The following WDR7 variants were observed in gnomAD, a reference collection of about 807,000 sequenced individuals.
WDR7 encodes WD repeat domain 7.
WDR7 carries 46 observed loss-of-function variants against 169.4 expected under a neutral mutation model. The ratio of observed to expected loss-of-function variants is 0.27; its 90% CI spans 0.21 to 0.35. The LOEUF (loss-of-function observed/expected upper bound fraction) is 0.35. Ranked by LOEUF, WDR7 falls within the 10% of genes least tolerant of loss-of-function variation. The pLI is 1.00. For missense variants in WDR7, 1,534 were observed against 1,859.3 expected (o/e 0.83, Z 3.22); for synonymous variants, 612 against 666.8 (o/e 0.92, Z 1.27).
intron 16 of WDR7, among the ~76,000 whole-genome samples, chr18:56,770,798 C>CT (rs1042504672): frequency 6.6e-5 from 10 of 150,998 alleles, no homozygotes; most frequent in South Asian, 2.1e-4. Flanking sequence ...TAAGGATATC[C>CT]TTTTTTTTTC....
intron 12 of WDR7, among the ~76,000 whole-genome samples, chr18:56,711,917 T>A (rs905509118): frequency 1.3e-5 from 2 of 152,094 alleles, no homozygotes; most frequent in African/African-American, 2.4e-5. Context: ...AATAGTGGGA[T>A]TGATTTATGA....
chr18:56,846,328 A>G (rs2045567774), intron 20 of WDR7, among the ~76,000 whole-genome samples: 1 of 152,104 alleles, frequency 6.6e-6, no homozygotes. Context: ...CAGAATTCCC[A>G]CATAATGTGG....
intron 21 of WDR7, among the ~76,000 whole-genome samples, chr18:56,917,567 G>A (rs74755870): frequency 0.02 from 3,084 of 152,204 alleles, 109 homozygotes; most frequent in African/African-American, 0.07. Flanking sequence ...ATGTGTGTGG[G>A]TGTGTGTTAT....
intron 20 of WDR7, among the ~76,000 whole-genome samples, chr18:56,856,279 A>C (rs1468541445): frequency 3.3e-5 from 5 of 152,224 alleles, no homozygotes; most frequent in Non-Finnish European, 5.9e-5. Context: ...CACGCCTGTA[A>C]TCCCAGCACT....
intron 16 of WDR7, among the ~76,000 whole-genome samples, chr18:56,762,356 A>G (rs1447249068): frequency 1.3e-5 from 2 of 151,946 alleles, no homozygotes; most frequent in Non-Finnish European, 2.9e-5. Context: ...AAGATTGGCA[A>G]CATTTCTTTC....
intron 26 of WDR7, among the ~76,000 whole-genome samples, chr18:57,005,574 AT>A (rs1364017526): frequency 6.6e-6 from 1 of 152,134 alleles, no homozygotes; most frequent in Admixed American, 6.5e-5. Flanking sequence ...GAGGGATGGG[AT>A]TTGATGAGTA....
At chr18:56,917,041 C>A (rs958776945) in intron 21 of WDR7, among the ~76,000 whole-genome samples, 2 of 152,046 alleles carry the variant, frequency 1.3e-5, no homozygotes, top group African/African-American at 2.4e-5. Context: ...ACTAAAGATA[C>A]AAAAAATTAG....
At chr18:56,851,949 C>T (rs114258103) in intron 20 of WDR7, among the ~76,000 whole-genome samples, 270 of 152,284 alleles carry the variant, frequency 1.8e-3, no homozygotes, top group African/African-American at 6.2e-3. Flanking sequence ...GTAGATAGTG[C>T]TGTTGAAAGG....
intron 27 of WDR7, among the ~76,000 whole-genome samples, chr18:57,026,005 A>C (rs922238266): frequency 2.0e-5 from 3 of 152,240 alleles, no homozygotes; most frequent in African/African-American, 7.2e-5. Context: ...TAGTACAAAG[A>C]AAAAGTGTTA....
intron 13 of WDR7, among the ~76,000 whole-genome samples, chr18:56,727,343 AT>A (rs148917459): frequency 0.03 from 4,552 of 150,578 alleles, 216 homozygotes; most frequent in African/African-American, 0.1. Context: ...TTGGGAATGG[AT>A]TTTTTTTTTC....
intron 26 of WDR7, among the ~76,000 whole-genome samples, chr18:56,978,602 A>T (rs2047599531): frequency 6.6e-6 from 1 of 152,182 alleles, no homozygotes; most frequent in Admixed American, 6.5e-5. Context: ...TATTTCCTTT[A>T]TCTGATGATG....
chr18:56,938,182 T>C (rs771034846), intron 23 of WDR7, among the ~76,000 whole-genome samples: 3 of 152,182 alleles, frequency 2.0e-5, no homozygotes, highest in Non-Finnish European at 4.4e-5. Context: ...CTATCATTAC[T>C]TGAGAGCAAG....
At chr18:56,773,845 T>G (rs2044201687) in intron 16 of WDR7, among the ~76,000 whole-genome samples, 1 of 152,106 alleles carries the variant, frequency 6.6e-6, no homozygotes, top group African/African-American at 2.4e-5. Context: ...ACGTGGTGGT[T>G]AATTCTACAA....
At chr18:56,730,178 ACT>A (rs1195467663) in intron 13 of WDR7, among the ~76,000 whole-genome samples, 2 of 151,988 alleles carry the variant, frequency 1.3e-5, no homozygotes, top group African/African-American at 4.8e-5. Context: ...AACATCTGAA[ACT>A]CTCTAGCTTT....
chr18:57,009,011 T>C (rs1181703106), intron 26 of WDR7, among the ~76,000 whole-genome samples: 1 of 145,832 alleles, frequency 6.9e-6, no homozygotes, highest in Non-Finnish European at 1.5e-5. Flanking sequence ...TTTAATCCAC[T>C]AAGTGAAAGT....
intron 20 of WDR7, among the ~76,000 whole-genome samples, chr18:56,817,530 CAG>C (rs760658591): frequency 7.2e-5 from 11 of 151,898 alleles, no homozygotes; most frequent in Non-Finnish European, 1.2e-4. Context: ...CTAATATTGC[CAG>C]AGTTGGGGAA....
chr18:56,896,133 AT>A (rs1242367283), intron 21 of WDR7, among the ~76,000 whole-genome samples: 8 of 151,850 alleles, frequency 5.3e-5, no homozygotes, highest in African/African-American at 1.9e-4. Flanking sequence ...CTAACAAAAA[AT>A]ATGTAAGACT....
Position 56,757,307 on chromosome 18 carries a change from C to T in WDR7, c.2714C>T (p.Thr905Ile). 1 of 1,613,242 alleles carries T rather than the reference C, an allele frequency of 6.2e-7. No individual in the cohort carries two copies. The highest frequency in any genetic ancestry group is 1.1e-5 in the South Asian group (1 of 91,056). The change falls in exon 15 of 28, where the codon ACC becomes ATC. Residue 905 changes from threonine to isoleucine, a missense_variant. Transcript: ENST00000254442. ...TTGGCAAATACTTTAATGAGTATGA[C>T]CAATGCAACTTTTATTGGTGATCAT... The part of the protein sequence containing the change: ...ISLANTLMSM[T>I]NATFIGDHMK...
At chr18:57,005,588 T>C (rs72930613) in intron 26 of WDR7, among the ~76,000 whole-genome samples, 26 of 152,270 alleles carry the variant, frequency 1.7e-4, no homozygotes, top group Non-Finnish European at 3.4e-4. Context: ...GATGAGTAAG[T>C]ATATTTGGGT....
Sources: allele counts gnomAD v4.1 joint callset (sites outside exome capture counted in the v4.1 genomes callset), GRCh38; gene constraint gnomAD v4.1.1; transcripts MANE v1.5; gene names NCBI Gene and HGNC (gene_info 2026-07-23, HGNC 2026-07-21).